The following ARHGAP26 variants were observed in gnomAD, a reference collection of about 807,000 sequenced individuals.
The protein encoded by ARHGAP26 is rho GTPase-activating protein 26.
A neutral mutation model predicts 104.8 loss-of-function variants in ARHGAP26; 38 were observed. That is an observed-to-expected ratio of 0.36 (90% CI 0.28 to 0.48). ARHGAP26 has a LOEUF of 0.48. ARHGAP26 is among the 20% of genes least tolerant of loss of function. The pLI is 0.99. For synonymous variants in ARHGAP26, 341 were observed against 340.0 expected, an observed-to-expected ratio of 1.00 and a Z score of -0.03; for missense variants, 704 against 947.9, an observed-to-expected ratio of 0.74 and a Z score of 3.38.
At chr5:143,132,222 C>T (rs1797439264) in intron 18 of ARHGAP26, among the ~76,000 whole-genome samples, 1 of 152,078 alleles carries the variant, frequency 6.6e-6, no homozygotes, top group South Asian at 2.1e-4. Context: ...GACCCGCCAA[C>T]CCATGGAGAG....
intron 4 of ARHGAP26, among the ~76,000 whole-genome samples, chr5:142,882,482 C>T (rs1352958327): frequency 6.6e-6 from 1 of 152,234 alleles, no homozygotes; most frequent in Admixed American, 6.5e-5. Context: ...GAGAACAAGG[C>T]AGGCGTGGTT....
chr5:143,044,938 C>A (rs2150173614), intron 14 of ARHGAP26, among the ~76,000 whole-genome samples: 1 of 152,180 alleles, frequency 6.6e-6, no homozygotes, highest in South Asian at 2.1e-4. Flanking sequence ...TTTTAACCAA[C>A]TTGATATGGG....
At chr5:142,988,373 T>A (rs1446942246) in intron 11 of ARHGAP26, among the ~76,000 whole-genome samples, 3 of 152,184 alleles carry the variant, frequency 2.0e-5, no homozygotes, top group Non-Finnish European at 4.4e-5. Context: ...TAGTTTATTC[T>A]TCTCTCTTTT....
At chr5:143,174,546 T>G (rs1803222615) in intron 20 of ARHGAP26, among the ~76,000 whole-genome samples, 1 of 152,198 alleles carries the variant, frequency 6.6e-6, no homozygotes, top group African/African-American at 2.4e-5. Flanking sequence ...ACTGATACCC[T>G]TTTATACTGT....
At chr5:143,066,052 C>T (rs763411367) in intron 17 of ARHGAP26, among the ~76,000 whole-genome samples, 9 of 152,180 alleles carry the variant, frequency 5.9e-5, no homozygotes, top group Admixed American at 2.0e-4. Flanking sequence ...CACATAACAA[C>T]GTGTCTATCA....
At chr5:142,931,526 A>T (rs994369852) in intron 10 of ARHGAP26, among the ~76,000 whole-genome samples, 4 of 152,224 alleles carry the variant, frequency 2.6e-5, no homozygotes, top group African/African-American at 7.2e-5. Flanking sequence ...TTTAATCATA[A>T]CTACCAAGAT....
intron 1 of ARHGAP26, among the ~76,000 whole-genome samples, chr5:142,781,905 T>C (rs190451432): frequency 2.0e-4 from 31 of 152,182 alleles, no homozygotes; most frequent in East Asian, 5.8e-4. Context: ...TTAGTAGAGA[T>C]GGGGTTTCAC....
chr5:143,166,146 A>C (rs1479466044), intron 20 of ARHGAP26: 10 of 1,251,960 alleles, frequency 8.0e-6, no homozygotes, highest in Non-Finnish European at 1.0e-5. Flanking sequence ...TCAATTAAAG[A>C]ATAACACACG....
At chr5:142,875,851 C>G (rs1374077897) in intron 3 of ARHGAP26, among the ~76,000 whole-genome samples, 10 of 152,210 alleles carry the variant, frequency 6.6e-5, no homozygotes, top group Admixed American at 6.5e-4. Flanking sequence ...AGCGATCCTC[C>G]TGCTTCAGCC....
chr5:142,770,866 C>A lies in ARHGAP26; in HGVS notation c.105C>A (p.Phe35Leu), dbSNP rs1229495516. The change falls in exon 1 of 23, where the codon TTC becomes TTA. Residue 35 changes from phenylalanine (F) to leucine (L), a missense_variant. Phe to Leu is a conservative substitution (Grantham distance 22, BLOSUM62 0). Coordinates refer to ENST00000645722, the MANE Select transcript of ARHGAP26 (RefSeq NM_001135608.3). ...CAGAGCTGGACAAGACCAACAAATT[C>A]ATCAAGGAGCTCATCAAGGACGGGA... ...HEAELDKTNK[F>L]IKELIKDGKS... 6.2e-7 allele frequency: 1 copy of A among 1,611,660 alleles called. No homozygotes were observed. The highest frequency in any genetic ancestry group is 1.7e-4 in the Middle Eastern group (1 of 6,052).
At chr5:143,054,714 C>G (rs1382008548) in intron 15 of ARHGAP26, among the ~76,000 whole-genome samples, 188 bp downstream of exon 15, 3 of 152,190 alleles carry the variant, frequency 2.0e-5, no homozygotes, top group African/African-American at 7.2e-5. Context: ...GATGGGTTGC[C>G]TTTGTGCAGT....
At chr5:142,820,983 TG>T (rs1485247701) in intron 1 of ARHGAP26, among the ~76,000 whole-genome samples, 2 of 152,224 alleles carry the variant, frequency 1.3e-5, no homozygotes, top group African/African-American at 4.8e-5. Flanking sequence ...TGCCAGGTAG[TG>T]GTGGGATTAA....
chr5:142,885,242 C>G, intron 4 of ARHGAP26, 56 bp from the exon 5 acceptor site: 1 of 1,463,974 alleles, frequency 6.8e-7, no homozygotes, highest in South Asian at 1.1e-5. Flanking sequence ...ATGGAGGCTG[C>G]TTTTATTCCT....
intron 22 of ARHGAP26, among the ~76,000 whole-genome samples, chr5:143,221,647 C>G (rs759576189): frequency 1.3e-5 from 2 of 152,092 alleles, no homozygotes; most frequent in Non-Finnish European, 2.9e-5. Flanking sequence ...CCCCCTCCTC[C>G]AAGTAGCTGG....
chr5:143,025,522 T>C (rs7714781), intron 12 of ARHGAP26, among the ~76,000 whole-genome samples: 4,272 of 152,282 alleles, frequency 0.028, 186 homozygotes, highest in African/African-American at 0.097. Flanking sequence ...CACCGGGCCT[T>C]AAGGCAGAAG....
intron 12 of ARHGAP26, among the ~76,000 whole-genome samples, chr5:143,029,273 A>G (rs1286466346): frequency 6.6e-6 from 1 of 152,032 alleles, no homozygotes; most frequent in Non-Finnish European, 1.5e-5. Flanking sequence ...AGCAAATCAC[A>G]TTGGAAAATT....
intron 12 of ARHGAP26, among the ~76,000 whole-genome samples, chr5:143,035,897 C>G (rs1475511783): frequency 7.2e-6 from 1 of 139,122 alleles, no homozygotes; most frequent in Non-Finnish European, 1.5e-5. Flanking sequence ...GATCATGCCA[C>G]TGCACTCCAG....
intron 11 of ARHGAP26, among the ~76,000 whole-genome samples, chr5:142,932,564 C>T (rs1439614696): frequency 6.6e-6 from 1 of 152,202 alleles, no homozygotes; most frequent in African/African-American, 2.4e-5. Context: ...GTGTAAAATC[C>T]ATAAGAGCCC....
chr5:142,797,471 C>G (rs1318078612), intron 1 of ARHGAP26, among the ~76,000 whole-genome samples: 4 of 152,180 alleles, frequency 2.6e-5, no homozygotes, highest in Non-Finnish European at 5.9e-5. Flanking sequence ...GAAGCTTTGG[C>G]AGAGACTTGG....
Sources: allele counts gnomAD v4.1 joint callset (sites outside exome capture counted in the v4.1 genomes callset), GRCh38; gene constraint gnomAD v4.1.1; transcripts MANE v1.5; gene names NCBI Gene and HGNC (gene_info 2026-07-23, HGNC 2026-07-21).